The following THSD4 variants were observed in gnomAD, a reference collection of about 807,000 sequenced individuals.
THSD4 encodes the protein thrombospondin type-1 domain-containing protein 4.
Under a neutral mutation model 119.0 loss-of-function variants are expected in THSD4, and 69 were observed. That is an observed-to-expected ratio of 0.58 (90% CI 0.48 to 0.71). The LOEUF is 0.71. Among genes scored for constraint, THSD4 ranks in the 30% least tolerant of loss-of-function variants. The pLI is 0.00. For synonymous variants in THSD4, 524 were observed against 540.4 expected, an observed-to-expected ratio of 0.97 and a Z score of 0.42; for missense variants, 1,393 against 1,391.1, an observed-to-expected ratio of 1.00 and a Z score of -0.02.
chr15:71,270,580 G>T lies in THSD4; in HGVS notation c.1015+13865G>T, dbSNP rs553034333. ...ATTTTACAGATAAAACAAAGGCCTA[G>T]ACTAGTTAACTAACTTGCCCACGGT... On this transcript the variant is annotated intron_variant, in intron 6 of 17. Coordinates refer to ENST00000261862, the MANE Select transcript of THSD4 (RefSeq NM_024817.3). Among the ~76,000 whole-genome samples, 20 of 152,308 alleles carry T rather than the reference G, an allele frequency of 1.3e-4. 1 individual carries two copies. In the South Asian group the frequency reaches 3.9e-3, roughly 30 times the overall value.
intron 7 of THSD4, among the ~76,000 whole-genome samples, chr15:71,621,552 CAT>C (rs2050418556): frequency 6.6e-6 from 1 of 152,128 alleles, no homozygotes; most frequent in Non-Finnish European, 1.5e-5. Context: ...ATTAAATAAT[CAT>C]GTGTACATTT....
intron 6 of THSD4, among the ~76,000 whole-genome samples, chr15:71,325,413 G>A (rs780329956): frequency 1.3e-5 from 2 of 152,172 alleles, no homozygotes; most frequent in Non-Finnish European, 2.9e-5. Flanking sequence ...TGGTGATAGA[G>A]AGATGGCCAA....
rs530967895 is a variant in THSD4, at chr15:71,421,430, G to A, written c.1152+9607G>A. ...TCCATCATATTTGAAGGGTGTTTTC[G>A]CCAGATATACTATTCTATGGTAAAA... On this transcript the variant is annotated intron_variant, in intron 7 of 17. Transcript: ENST00000261862. 3.3e-5 allele frequency among the ~76,000 whole-genome samples: 5 copies of A among 151,958 alleles called. 1 individual carries two copies. The highest frequency in any genetic ancestry group is 4.8e-5 in the African/African-American group (2 of 41,352).
intron 14 of THSD4, among the ~76,000 whole-genome samples, chr15:71,751,007 A>G (rs2053438028): frequency 6.6e-6 from 1 of 152,170 alleles, no homozygotes; most frequent in Non-Finnish European, 1.5e-5. Flanking sequence ...TGTCCAGACA[A>G]TTACATCTAT....
chr15:71,497,182 G>C (rs1370232217), intron 7 of THSD4, among the ~76,000 whole-genome samples: 1 of 152,196 alleles, frequency 6.6e-6, no homozygotes, highest in East Asian at 1.9e-4. Context: ...AAAATGCTGT[G>C]TTAATAAGAG....
At chr15:71,285,225 T>A (rs916347130) in intron 6 of THSD4, among the ~76,000 whole-genome samples, 6 of 152,220 alleles carry the variant, frequency 3.9e-5, no homozygotes, top group Non-Finnish European at 8.8e-5. Flanking sequence ...ACAAATAATA[T>A]TATAAACAGA....
At chr15:71,547,235 CA>C (rs1475266049) in intron 7 of THSD4, 10 of 1,394,342 alleles carry the variant, frequency 7.2e-6, no homozygotes, top group African/African-American at 1.5e-5. Context: ...CAGTTTTCTT[CA>C]GAACAGAGGC....
At chr15:71,764,027 G>T (rs892162035) in intron 15 of THSD4, among the ~76,000 whole-genome samples, 1 of 151,478 alleles carries the variant, frequency 6.6e-6, no homozygotes, top group African/African-American at 2.4e-5. Context: ...AGATCACTCC[G>T]CTGCACTCCA....
At chr15:71,359,310 C>A (rs538411211) in intron 6 of THSD4, among the ~76,000 whole-genome samples, 5 of 152,236 alleles carry the variant, frequency 3.3e-5, no homozygotes, top group African/African-American at 1.2e-4. Flanking sequence ...TCTTATTAAT[C>A]TTGAGTTATC....
intron 7 of THSD4, among the ~76,000 whole-genome samples, chr15:71,559,613 C>T (rs978782479): frequency 1.3e-5 from 2 of 151,166 alleles, no homozygotes; most frequent in East Asian, 3.9e-4. Flanking sequence ...TTTTTCTAGA[C>T]CTCTGCTTCT....
rs1481140199 is a variant in THSD4 at position 71,778,498 on chromosome 15, A to G, written c.*1124A>G. 6.6e-6 allele frequency: 1 copy of G among 152,596 alleles called. No individual in the cohort carries two copies. Among genetic ancestry groups the G allele is most frequent in the Non-Finnish European group, 1.5e-5 (1 of 68,382 alleles). 9.5% of individuals were successfully genotyped at this position (152,596 alleles called of 1,614,324 possible). ...ACCACAGAGCCAACTTGTGAAGCAC[A>G]CAGCTCTGCAGCCTGGGCTCTGCCC... On this transcript the variant is annotated 3_prime_UTR_variant, in exon 18 of 18. Coordinates refer to ENST00000261862, the MANE Select transcript of THSD4 (RefSeq NM_024817.3).
chr15:71,289,079 T>C (rs1450864193), intron 6 of THSD4, among the ~76,000 whole-genome samples: 3 of 152,362 alleles, frequency 2.0e-5, no homozygotes, highest in Admixed American at 6.5e-5. Context: ...TTTCCTGTGC[T>C]GCCTCAGGTC....
At chr15:71,403,390 G>A (rs146029399) in intron 6 of THSD4, among the ~76,000 whole-genome samples, 109 of 152,182 alleles carry the variant, frequency 7.2e-4, no homozygotes, top group Middle Eastern at 3.4e-3. Flanking sequence ...CTCAATTATT[G>A]TTCAGCCATC....
intron 6 of THSD4, among the ~76,000 whole-genome samples, chr15:71,310,909 GTGT>G (rs1014293328): frequency 6.6e-6 from 1 of 152,198 alleles, no homozygotes; most frequent in Non-Finnish European, 1.5e-5. Flanking sequence ...TCGTTTTGGG[GTGT>G]TGTTTACTGA....
intron 4 of THSD4, among the ~76,000 whole-genome samples, chr15:71,231,680 T>C (rs375366061): frequency 3.0e-4 from 46 of 152,232 alleles, no homozygotes; most frequent in East Asian, 1.4e-3. Context: ...CTTCAGCACA[T>C]GGTGGGGAGC....
intron 7 of THSD4, among the ~76,000 whole-genome samples, chr15:71,423,034 G>C (rs2046828154): frequency 6.6e-6 from 1 of 152,164 alleles, no homozygotes. Context: ...CAACTGGTCT[G>C]TAGTCAGCTT....
chr15:71,476,391 G>A (rs1464095228), intron 7 of THSD4, among the ~76,000 whole-genome samples: 3 of 152,286 alleles, frequency 2.0e-5, no homozygotes, highest in Non-Finnish European at 2.9e-5. Context: ...GGAGGCACCT[G>A]CTACCATGCT....
At chr15:71,626,917 A>T (rs78518807) in intron 7 of THSD4, among the ~76,000 whole-genome samples, 27,726 of 152,222 alleles carry the variant, frequency 0.18, 2,676 homozygotes, top group African/African-American at 0.24. Context: ...TAAAGTGGGA[A>T]TTATCTGCTC....
intron 1 of THSD4, among the ~76,000 whole-genome samples, chr15:71,122,427 C>T (rs990233201): frequency 1.3e-5 from 2 of 152,114 alleles, no homozygotes; most frequent in African/African-American, 4.8e-5. Flanking sequence ...GCGGTGGGGC[C>T]GGAGGGAGGA....
Sources: allele counts gnomAD v4.1 joint callset (sites outside exome capture counted in the v4.1 genomes callset), GRCh38; gene constraint gnomAD v4.1.1; transcripts MANE v1.5; gene names NCBI Gene and HGNC (gene_info 2026-07-23, HGNC 2026-07-21).